CRACDL: variants seen among roughly 807,000 people sequenced by gnomAD.
CRACDL encodes CRACD-like protein.
A neutral mutation model predicts 70.6 loss-of-function variants in CRACDL; 26 were observed. The observed-to-expected ratio is 0.37, with a 90% CI of 0.27 to 0.51. CRACDL has a LOEUF of 0.51. CRACDL is among the 20% of genes least tolerant of loss of function. CRACDL has a pLI of 0.94. For synonymous variants in CRACDL, 618 were observed against 615.2 expected, an observed-to-expected ratio of 1.00 and a Z score of -0.07; for missense variants, 1,283 against 1,376.9, an observed-to-expected ratio of 0.93 and a Z score of 1.08.
chr2:98,933,936 G>T (rs1043286533), intron 1 of CRACDL, among the ~76,000 whole-genome samples: 2 of 152,160 alleles, frequency 1.3e-5, no homozygotes, highest in Non-Finnish European at 2.9e-5. Flanking sequence ...TCTGGTGGGG[G>T]CCCATTCCTC....
chr2:98,877,765 T>A (rs1041528153), intron 1 of CRACDL, among the ~76,000 whole-genome samples: 2 of 151,648 alleles, frequency 1.3e-5, no homozygotes, highest in Admixed American at 6.6e-5. Context: ...AATAAAAAAA[T>A]TTAAAATAAA....
At chr2:98,853,364 C>A (rs1344370101) in intron 1 of CRACDL, among the ~76,000 whole-genome samples, 21 of 152,038 alleles carry the variant, frequency 1.4e-4, no homozygotes, top group Non-Finnish European at 1.3e-4. Context: ...AAAGAACAAC[C>A]CAATATTCTA....
At chr2:98,866,455 A>G (rs1707144398) in intron 1 of CRACDL, among the ~76,000 whole-genome samples, 1 of 148,346 alleles carries the variant, frequency 6.7e-6, no homozygotes. Flanking sequence ...AACACCTGAT[A>G]GATGAAACAA....
At chr2:98,918,477 G>A (rs1057142606) in intron 1 of CRACDL, among the ~76,000 whole-genome samples, 1 of 142,780 alleles carries the variant, frequency 7.0e-6, no homozygotes, top group African/African-American at 2.6e-5. Context: ...GGTGGATGTT[G>A]CAGTGAGACG....
In CRACDL at chr2:98,822,919, C is replaced by A. The variant is rs1202576951; in HGVS notation, c.1354G>T (p.Gly452Trp). 4 of 1,473,286 alleles carry A rather than the reference C, an allele frequency of 2.7e-6. No homozygotes were observed. Among genetic ancestry groups the A allele is most frequent in the Non-Finnish European group, 3.6e-6 (4 of 1,121,434 alleles). 91.3% of individuals were successfully genotyped at this position (1,473,286 alleles called of 1,614,324 possible). The change falls in exon 7 of 10, where the codon GGG becomes TGG. Residue 452 changes from glycine to tryptophan, a missense_variant. Around this residue, in one of 2 missense-constraint regions of CRACDL, gnomAD observed 921 missense variants for 881.9 expected, o/e 1.04. Transcript: ENST00000397899. This position sits in a 1 kb window ranked among gnomAD's most constrained non-coding sequence, Gnocchi z 4.9. ...GGCTCAGGCGCCGGCCCTGGGGGCCCCTTCTCCTCATCCGGGAGCACGGGC... is the reference window on the plus strand; with the variant it reads ...GGCTCAGGCGCCGGCCCTGGGGGCCACTTCTCCTCATCCGGGAGCACGGGC... The part of the protein sequence containing the change: ...TPPVLPDEEK[G>W]PPGPAPEPER...
chr2:98,864,112 T>A (rs1707040296), intron 1 of CRACDL, among the ~76,000 whole-genome samples: 1 of 152,166 alleles, frequency 6.6e-6, no homozygotes, highest in African/African-American at 2.4e-5. Context: ...ACACCAATGT[T>A]CATAGCAGCA....
intron 7 of CRACDL, among the ~76,000 whole-genome samples, chr2:98,820,712 C>T (rs1704990478): frequency 6.6e-6 from 1 of 152,216 alleles, no homozygotes; most frequent in Admixed American, 6.5e-5. Context: ...AAGACAGCTG[C>T]TTTCAAATAT....
intron 1 of CRACDL, among the ~76,000 whole-genome samples, chr2:98,871,485 G>C (rs548997745): frequency 5.3e-4 from 81 of 152,300 alleles, no homozygotes; most frequent in South Asian, 1.0e-3. Flanking sequence ...TGGAATGTCC[G>C]ACCCTGAAAT....
At chr2:98,865,955 C>T (rs994565586) in intron 1 of CRACDL, among the ~76,000 whole-genome samples, 3 of 151,948 alleles carry the variant, frequency 2.0e-5, no homozygotes, top group African/African-American at 4.8e-5. Flanking sequence ...TGCCCACCAC[C>T]GACCTCAGGT....
intron 6 of CRACDL, among the ~76,000 whole-genome samples, chr2:98,825,675 CACA>C (rs1705272669): frequency 6.6e-6 from 1 of 152,226 alleles, no homozygotes; most frequent in Admixed American, 6.5e-5. Context: ...CGGACCTTGT[CACA>C]CTGACACAGC....
intron 7 of CRACDL, among the ~76,000 whole-genome samples, chr2:98,803,081 G>A (rs1249896194): frequency 6.7e-6 from 1 of 148,836 alleles, no homozygotes; most frequent in Non-Finnish European, 1.5e-5. Context: ...CTCACTGCAA[G>A]CTCCGCCTCC....
chr2:98,859,628 C>G (rs1404857263), intron 1 of CRACDL, among the ~76,000 whole-genome samples: 1 of 152,176 alleles, frequency 6.6e-6, no homozygotes, highest in Admixed American at 6.5e-5. Flanking sequence ...TACAAACACT[C>G]AAACAAACTA....
intron 1 of CRACDL, among the ~76,000 whole-genome samples, chr2:98,881,055 G>A (rs533625901): frequency 1.3e-5 from 2 of 152,286 alleles, no homozygotes; most frequent in Admixed American, 6.5e-5. Context: ...CTTCAGAGCC[G>A]ACACGTCAGA....
In CRACDL at chr2:98,822,280, C is replaced by G; in HGVS notation, c.1993G>C (p.Glu665Gln). 1 of 1,574,690 alleles carries G rather than the reference C, an allele frequency of 6.4e-7. No homozygotes were observed. The highest frequency in any genetic ancestry group is 8.6e-7 in the Non-Finnish European group (1 of 1,168,860). ...GGCTCCTGGGCGGCTGGGCAGGGCTCTCTCGTGCCGGGCGCGGCGGCCGCC... is the reference window on the plus strand; with the variant it reads ...GGCTCCTGGGCGGCTGGGCAGGGCTGTCTCGTGCCGGGCGCGGCGGCCGCC... Reference protein sequence around the residue: ...QEAAAAPGTREPCPAAQEPAP... With the variant: ...QEAAAAPGTRQPCPAAQEPAP... The change falls in exon 7 of 10, where the codon GAG (glutamate) becomes CAG (glutamine). Residue 665 changes from glutamate to glutamine, a missense_variant. By Grantham distance (29) the Glu-to-Gln change is conservative. Transcript: ENST00000397899. This position sits in a 1 kb window ranked among gnomAD's most constrained non-coding sequence, Gnocchi z 4.9.
chr2:98,856,758 C>T (rs905011487), intron 1 of CRACDL, among the ~76,000 whole-genome samples: 28 of 152,168 alleles, frequency 1.8e-4, no homozygotes, highest in African/African-American at 6.5e-4. Flanking sequence ...GATGCCTCAA[C>T]GTCCTCACAA....
chr2:98,889,754 T>G (rs946511123), intron 1 of CRACDL, among the ~76,000 whole-genome samples: 1 of 152,182 alleles, frequency 6.6e-6, no homozygotes, highest in Non-Finnish European at 1.5e-5. Context: ...ATAGACCATC[T>G]CTCAGGTCAT....
chr2:98,889,337 AAG>A (rs1491439432), intron 1 of CRACDL, among the ~76,000 whole-genome samples: 2 of 125,298 alleles, frequency 1.6e-5, no homozygotes, highest in African/African-American at 5.8e-5. Context: ...GAAAGAAAGA[AAG>A]AAAGGAAACA....
chr2:98,887,909 A>G (rs370845727), intron 1 of CRACDL, among the ~76,000 whole-genome samples: 19 of 152,366 alleles, frequency 1.2e-4, no homozygotes, highest in African/African-American at 4.1e-4. Flanking sequence ...ACTACCCTTC[A>G]AAAATAAAAG....
chr2:98,928,672 A>G (rs1174531249), intron 1 of CRACDL, among the ~76,000 whole-genome samples: 2 of 152,182 alleles, frequency 1.3e-5, no homozygotes, highest in Non-Finnish European at 2.9e-5. Flanking sequence ...TCGCACCAGC[A>G]CACCTCAACT....
Sources: allele counts gnomAD v4.1 joint callset (sites outside exome capture counted in the v4.1 genomes callset), GRCh38; gene constraint gnomAD v4.1.1; regional missense constraint gnomAD v4.1.1; non-coding constraint Gnocchi (gnomAD v3.1); transcripts MANE v1.5; gene names NCBI Gene and HGNC (gene_info 2026-07-23, HGNC 2026-07-21).